Variants in ITGA11 observed in about 807,000 individuals in gnomAD.
The protein encoded by ITGA11 is integrin subunit alpha 11, also known as integrin alpha-11.
In ITGA11, 97 loss-of-function variants were observed where a neutral mutation model predicts 141.9. The ratio of observed to expected loss-of-function variants is 0.68; its 90% CI spans 0.58 to 0.81. The LOEUF is 0.81. Ranked by LOEUF, ITGA11 falls within the 30% of genes least tolerant of loss-of-function variation. The pLI, the probability that ITGA11 is intolerant of heterozygous loss-of-function variation, is 0.00. For missense variants in ITGA11, 1,387 were observed against 1,559.2 expected (o/e 0.89, Z 1.86); for synonymous variants, 658 against 624.6 (o/e 1.05, Z -0.80).
chr15:68,315,773 C>CGCCCACTCCCCACA (rs377739711), intron 21 of ITGA11, 46 bp from the exon 22 acceptor site: 2 of 1,476,880 alleles, frequency 1.4e-6, no homozygotes, highest in African/African-American at 1.4e-5. Flanking sequence ...GGACCAGCCC[C>CGCCCACTCCCCACA]GCCCACTCCC....
intron 28 of ITGA11, among the ~76,000 whole-genome samples, chr15:68,306,862 G>A (rs985608448): frequency 2.6e-5 from 4 of 152,242 alleles, no homozygotes; most frequent in Non-Finnish European, 4.4e-5. Context: ...TCCCACGCCC[G>A]GCTGCCCTGT....
At chr15:68,387,155 G>A (rs80210698) in intron 2 of ITGA11, among the ~76,000 whole-genome samples, 4,352 of 152,160 alleles carry the variant, frequency 0.029, 188 homozygotes, top group African/African-American at 0.096. Flanking sequence ...AAGGATAAGA[G>A]GGAGAGAGGG....
rs761975854 is a variant in ITGA11 at position 68,325,249 on chromosome 15, G to T, written c.2212-8C>A. On this transcript the variant is annotated splice_region_variant and splice_polypyrimidine_tract_variant and intron_variant, in intron 17 of 29. Transcript: ENST00000315757. The surrounding 1 kb of genome is among the most constrained non-coding windows in gnomAD (Gnocchi z 5.5). ...CACGTAGTCAGCAGTGTCCTGGGGG[G>T]TGGAGATGAGGGCAGCGGTGAGGGA... 8 of 1,589,864 alleles carry T rather than the reference G, an allele frequency of 5.0e-6. No individual in the cohort carries two copies. Among genetic ancestry groups the T allele is most frequent in the South Asian group, 2.2e-5 (2 of 90,584 alleles).
rs907779580 is a variant in ITGA11 at position 68,366,495 on chromosome 15, C to T, written c.266-1697G>A. ...ATGCTCCACTGGGCTGGGTAACCCT[C>T]GCCCCCTTCTGGCTAGAATTCTGCC... On this transcript the variant is annotated intron_variant, in intron 3 of 29. Transcript: ENST00000315757. Among the ~76,000 whole-genome samples the T allele has an allele frequency of 4.6e-5, 7 of 152,192 alleles. No homozygotes were observed. In the East Asian group the frequency reaches 7.7e-4, roughly 17 times the overall value.
At chr15:68,405,292 T>G (rs1444553530) in intron 1 of ITGA11, among the ~76,000 whole-genome samples, 2 of 151,904 alleles carry the variant, frequency 1.3e-5, no homozygotes, top group African/African-American at 4.8e-5. Context: ...GTTATCTTAT[T>G]GAACATGCCA....
intron 2 of ITGA11, among the ~76,000 whole-genome samples, chr15:68,393,442 C>G (rs1193204763): frequency 6.6e-6 from 1 of 152,084 alleles, no homozygotes; most frequent in Non-Finnish European, 1.5e-5. Context: ...AGTCAAACTG[C>G]TGACATTAAA....
chr15:68,416,793 G>C (rs1387159710), intron 1 of ITGA11, among the ~76,000 whole-genome samples: 1 of 152,130 alleles, frequency 6.6e-6, no homozygotes, highest in African/African-American at 2.4e-5. Flanking sequence ...GCAGGCATCT[G>C]TAATCCCACC....
At position 68,305,629 on chromosome 15, in the gene ITGA11, A is replaced by C. The variant is rs1400459635; in HGVS notation, c.3381+1719T>G. Reference sequence around the variant, plus strand: ...GGCCACTGACTCACTGTTCAACTTGAGGCAAGTCACTGTCCCTCCTGCCTC... The same window carrying C: ...GGCCACTGACTCACTGTTCAACTTGCGGCAAGTCACTGTCCCTCCTGCCTC... On this transcript the variant is annotated intron_variant, in intron 28 of 29. Coordinates refer to ENST00000315757, the MANE Select transcript of ITGA11 (RefSeq NM_001004439.2). This position sits in a 1 kb window ranked among gnomAD's most constrained non-coding sequence, Gnocchi z 4.6. 6.6e-6 allele frequency among the ~76,000 whole-genome samples: 1 copy of C among 152,180 alleles called. No individual in the cohort carries two copies. The highest frequency in any genetic ancestry group is 1.5e-5 in the Non-Finnish European group (1 of 68,046).
intron 28 of ITGA11, among the ~76,000 whole-genome samples, chr15:68,306,077 CTA>C (rs1893183675): frequency 6.7e-6 from 1 of 150,016 alleles, no homozygotes; most frequent in Non-Finnish European, 1.5e-5. Context: ...GTAATACCTG[CTA>C]CCCGGGAGGC....
rs1008578319 is a variant in ITGA11, at chr15:68,321,038, A to G, written c.2408+380T>C. ...TTCCATCAGAAGGATTGGAAAGCCC[A>G]AGGTGTTCAGCCAGCGGGCCTAGAG... On this transcript the variant is annotated intron_variant, in intron 19 of 29. Coordinates refer to ENST00000315757, the MANE Select transcript of ITGA11 (RefSeq NM_001004439.2). The surrounding 1 kb of genome is among the most constrained non-coding windows in gnomAD (Gnocchi z 4.9). Among the ~76,000 whole-genome samples, 1 of 152,114 alleles carries G rather than the reference A, an allele frequency of 6.6e-6. No homozygotes were observed. Among genetic ancestry groups the G allele is most frequent in the Non-Finnish European group, 1.5e-5 (1 of 68,018 alleles).
rs1206997366 is a variant in ITGA11 at position 68,311,403 on chromosome 15, T to C, written c.2974A>G (p.Ile992Val). The stretch of plus-strand genomic sequence containing the variant: ...ATGGGGAACAAGCCCAAGTTCTGGA[T>C]CTGTGGCCAGAGACAGGGAGGTGTC... ...IGPPFSCIFR[I>V]QNLGLFPIHG... Residue 992 changes from isoleucine (I) to valine (V), a missense_variant and splice_region_variant, in exon 25 of 30, where the codon ATC (isoleucine) becomes GTC (valine). Ile to Val is a conservative substitution (Grantham distance 29). Coordinates refer to ENST00000315757, the MANE Select transcript of ITGA11 (RefSeq NM_001004439.2). 4 of 1,551,952 alleles carry C rather than the reference T, an allele frequency of 2.6e-6. No individual in the cohort carries two copies. The highest frequency in any genetic ancestry group is 1.8e-4 in the Middle Eastern group (1 of 5,678).
chr15:68,334,419 G>T (rs1444892037), intron 12 of ITGA11, among the ~76,000 whole-genome samples: 1 of 152,234 alleles, frequency 6.6e-6, no homozygotes, highest in Non-Finnish European at 1.5e-5. Context: ...TGCCAAGCTG[G>T]TTGGAACTGG....
chr15:68,417,944 C>T (rs1896925499), intron 1 of ITGA11, among the ~76,000 whole-genome samples: 1 of 152,192 alleles, frequency 6.6e-6, no homozygotes. Flanking sequence ...GAGCTGTTTG[C>T]CTACTTGGAC....
At chr15:68,426,476 A>AG (rs1259174227) in intron 1 of ITGA11, among the ~76,000 whole-genome samples, 1 of 152,066 alleles carries the variant, frequency 6.6e-6, no homozygotes, top group Non-Finnish European at 1.5e-5. Flanking sequence ...GAGAGGGGAG[A>AG]GGGAGAGACG....
chr15:68,389,927 C>T (rs1406823466), intron 2 of ITGA11, among the ~76,000 whole-genome samples: 1 of 152,220 alleles, frequency 6.6e-6, no homozygotes, highest in African/African-American at 2.4e-5. Flanking sequence ...TCTGCAAGCC[C>T]TGCATTGGAG....
chr15:68,309,920 C>T (rs557472085), intron 26 of ITGA11, among the ~76,000 whole-genome samples: 1 of 152,228 alleles, frequency 6.6e-6, no homozygotes, highest in African/African-American at 2.4e-5. Context: ...GTTTTGTTTA[C>T]ATTATTAGCT....
At chr15:68,306,189 CAAA>C (rs1234651031) in intron 28 of ITGA11, among the ~76,000 whole-genome samples, 2 of 83,028 alleles carry the variant, frequency 2.4e-5, no homozygotes, top group African/African-American at 4.8e-5. Context: ...GACTCCGTCT[CAAA>C]AAAAAAAAAA....
At chr15:68,361,196 G>A (rs1268878347) in intron 5 of ITGA11, among the ~76,000 whole-genome samples, 1 of 152,180 alleles carries the variant, frequency 6.6e-6, no homozygotes, top group Non-Finnish European at 1.5e-5. Context: ...CAAGGCTACT[G>A]CATTGCACAA....
chr15:68,404,987 C>T (rs1473315032), intron 1 of ITGA11, among the ~76,000 whole-genome samples: 1 of 152,112 alleles, frequency 6.6e-6, no homozygotes, highest in East Asian at 1.9e-4. Flanking sequence ...TCCCAAGGAC[C>T]CAAGCCCGCT....
Sources: gnomAD v4.1 joint callset for allele counts (sites outside exome capture counted in the v4.1 genomes callset) on GRCh38, gnomAD v4.1.1 for gene constraint, Gnocchi (gnomAD v3.1) non-coding constraint, MANE v1.5 for transcripts, NCBI Gene and HGNC (gene_info 2026-07-23, HGNC 2026-07-21) for gene names.